Variants in CHD4 observed in about 807,000 individuals in gnomAD.
CHD4 encodes the protein ATP-dependent chromatin remodeler CHD4.
A neutral mutation model predicts 235.5 loss-of-function variants in CHD4; 35 were observed. The ratio of observed to expected loss-of-function variants is 0.15; its 90% CI spans 0.11 to 0.20. The LOEUF is 0.20. Ranked by LOEUF, CHD4 falls within the 10% of genes least tolerant of loss-of-function variation. The pLI is 1.00. For missense variants in CHD4, 1,329 were observed against 2,432.3 expected (o/e 0.55, Z 9.54); for synonymous variants, 900 against 850.2 (o/e 1.06, Z -1.02).
At chr12:6,597,278 C>T (rs1050387720) in intron 12 of CHD4, among the ~76,000 whole-genome samples, 3 of 150,296 alleles carry the variant, frequency 2.0e-5, no homozygotes, top group Non-Finnish European at 3.0e-5. Flanking sequence ...CAAAAAAAAA[C>T]AATAATAATA....
intron 37 of CHD4, among the ~76,000 whole-genome samples, chr12:6,577,238 G>T (rs1948086232): frequency 6.6e-6 from 1 of 151,658 alleles, no homozygotes; most frequent in African/African-American, 2.4e-5. Flanking sequence ...TAGCCAACAT[G>T]GTGAAACCCC....
At chr12:6,578,717 G>A (rs1555162216) in intron 34 of CHD4, 129 bp downstream of exon 34, 3 of 1,339,734 alleles carry the variant, frequency 2.2e-6, no homozygotes, top group South Asian at 2.4e-5. Flanking sequence ...TAAATGTGGG[G>A]ACAGGTACAG....
intron 37 of CHD4, among the ~76,000 whole-genome samples, chr12:6,573,910 G>A (rs1948022081): frequency 7.1e-6 from 1 of 139,908 alleles, no homozygotes; most frequent in African/African-American, 3.1e-5. Context: ...TGTAACTGCA[G>A]CTACTCAAGA....
chr12:6,588,499 CG>C, intron 22 of CHD4, 77 bp from the exon 23 acceptor site: 1 of 1,533,078 alleles, frequency 6.5e-7, no homozygotes, highest in Non-Finnish European at 8.9e-7. Flanking sequence ...AAAATTAAGC[CG>C]GGGGCAGTGG....
intron 37 of CHD4, among the ~76,000 whole-genome samples, chr12:6,574,241 A>G (rs908962563): frequency 6.6e-6 from 1 of 152,074 alleles, no homozygotes; most frequent in Non-Finnish European, 1.5e-5. Flanking sequence ...CTCCCACTAC[A>G]TACCTTTTAA....
At position 6,600,603 on chromosome 12, in the gene CHD4, A is replaced by G. The variant is rs1251225540; in HGVS notation, c.994T>C (p.Ser332Pro). 1 of 1,613,938 alleles carries G rather than the reference A, an allele frequency of 6.2e-7. No homozygotes were observed. Among genetic ancestry groups the G allele is most frequent in the Non-Finnish European group, 8.5e-7 (1 of 1,180,028 alleles). The change falls in exon 8 of 40, where the codon TCT (serine) becomes CCT (proline). Residue 332 changes from serine (S) to proline (P), a missense_variant. Ser to Pro is a moderately conservative substitution (Grantham distance 74). Coordinates refer to ENST00000544040, the MANE Select transcript of CHD4 (RefSeq NM_001273.5). ...CTACTACGGCTGGTGGAACCATCAG[A>G]AACAGAATAGCTATTGATACTGGCA... ...DDASINSYSV[S>P]DGSTSRSSRS... is the part of the protein sequence containing the mutation.
rs115239805 is a variant in CHD4 at position 6,594,940 on chromosome 12, A to T, written c.2122-290T>A. The stretch of plus-strand genomic sequence containing the variant: ...CTACTAGTCAGGATCCACCAGGTAA[A>T]TAATCGTTATGTCCCTCTTAGATTC... On this transcript the variant is annotated intron_variant, in intron 14 of 39. Coordinates refer to ENST00000544040, the MANE Select transcript of CHD4 (RefSeq NM_001273.5). Among the ~76,000 whole-genome samples, 551 of 152,276 alleles carry T rather than the reference A, an allele frequency of 3.6e-3. 3 individuals carry two copies. Among genetic ancestry groups the T allele is most frequent in the African/African-American group, 0.013 (529 of 41,536 alleles).
Position 6,597,885 on chromosome 12 carries a change from A to C in CHD4, c.1892+9T>G. ...GAGACTGCCCGTCTCCCGTGTGCTC[A>C]GCTGGTACCTGTGGTTGAGGATTCG... On this transcript the variant is annotated intron_variant, in intron 12 of 39. Transcript: ENST00000544040. The C allele has an allele frequency of 6.2e-7, 1 of 1,613,920 alleles. No individual in the cohort carries two copies. Among genetic ancestry groups the C allele is most frequent in the Non-Finnish European group, 8.5e-7 (1 of 1,179,768 alleles).
chr12:6,592,958 T>G, intron 17 of CHD4, 133 bp downstream of exon 17: 1 of 1,505,924 alleles, frequency 6.6e-7, no homozygotes, highest in Non-Finnish European at 9.0e-7. Context: ...CACCAAGGGC[T>G]GTCACATACA....
Position 6,591,595 on chromosome 12 carries a change from G to A in CHD4, c.3223-12C>T. The A allele has an allele frequency of 6.2e-7, 1 of 1,613,876 alleles. No individual in the cohort carries two copies. Among genetic ancestry groups the A allele is most frequent in the Non-Finnish European group, 8.5e-7 (1 of 1,179,768 alleles). ...AGCATCTTGGTCATCTGCAAAAGAA[G>A]CACGGTTTAATTATGGAAGAGTCAG... On this transcript the variant is annotated splice_polypyrimidine_tract_variant and intron_variant, in intron 21 of 39. Transcript: ENST00000544040.
Position 6,602,193 on chromosome 12 carries a change from G to A in CHD4, c.223-18C>T, listed in dbSNP as rs1368153038. The A allele has an allele frequency of 3.1e-6, 5 of 1,613,038 alleles. No individual in the cohort carries two copies. The highest frequency in any genetic ancestry group is 4.2e-6 in the Non-Finnish European group (5 of 1,179,306). On this transcript the variant is annotated intron_variant, in intron 3 of 39. Coordinates refer to ENST00000544040, the MANE Select transcript of CHD4 (RefSeq NM_001273.5). ...AGCATACGCTGGAGCAGGGCAAGGG[G>A]GGAAGAGGGAGACAGACACACACAT...
Position 6,573,275 on chromosome 12 carries a change from C to CA in CHD4, c.5362-7dup. 1 of 1,552,684 alleles carries CA rather than the reference C, an allele frequency of 6.4e-7. No homozygotes were observed. Among genetic ancestry groups the CA allele is most frequent in the Non-Finnish European group, 8.6e-7 (1 of 1,156,646 alleles). On this transcript the variant is annotated splice_region_variant and splice_polypyrimidine_tract_variant and intron_variant, in intron 37 of 39. Transcript: ENST00000544040. ...ACCAGAGCTTGTTCTAAGAGCTGGA[C>CA]AAGGGATAAGAGGAAACGGGAGTTC... is the stretch of plus-strand genomic sequence containing the variant.
At chr12:6,601,118 C>A in intron 6 of CHD4, 65 bp from the exon 7 acceptor site, 1 of 1,523,648 alleles carries the variant, frequency 6.6e-7, no homozygotes, top group Non-Finnish European at 8.8e-7. Context: ...AAATCTTCTC[C>A]ACCTAAGCTT....
At chr12:6,573,371 A>C in intron 37 of CHD4, 102 bp from the exon 38 acceptor site, 1 of 987,688 alleles carries the variant, frequency 1.0e-6, no homozygotes, top group South Asian at 2.1e-5. Flanking sequence ...GATGGTAATA[A>C]GAACCTATGA....
At chr12:6,579,727 G>C (rs1948142700) in intron 33 of CHD4, 1 of 148,464 alleles carries the variant, frequency 6.7e-6, no homozygotes, top group Non-Finnish European at 1.5e-5. Flanking sequence ...CTCCAGCCTG[G>C]GTGACAGAGT....
At chr12:6,575,933 C>A in intron 37 of CHD4, among the ~76,000 whole-genome samples, 1 of 152,190 alleles carries the variant, frequency 6.6e-6, no homozygotes, top group East Asian at 1.9e-4. Flanking sequence ...TGTTCAGATA[C>A]CCTTCTGTTT....
At chr12:6,587,687 A>C (rs372162063) in intron 24 of CHD4, 25 bp downstream of exon 24, 2 of 1,611,838 alleles carry the variant, frequency 1.2e-6, no homozygotes, top group African/African-American at 1.3e-5. Flanking sequence ...CCCCACACCA[A>C]AACGTAAGTT....
intron 10 of CHD4, among the ~76,000 whole-genome samples, chr12:6,599,213 T>C (rs1303794821): frequency 6.6e-6 from 1 of 151,968 alleles, no homozygotes; most frequent in Non-Finnish European, 1.5e-5. Context: ...AGCAGAATGG[T>C]TTCAGACCAG....
intron 34 of CHD4, 59 bp downstream of exon 34, chr12:6,578,787 G>A: frequency 5.9e-6 from 9 of 1,534,498 alleles, no homozygotes; most frequent in Non-Finnish European, 8.1e-6. Context: ...GGCAGATACA[G>A]TCCTTGCTTC....
Sources: allele counts gnomAD v4.1 joint callset (sites outside exome capture counted in the v4.1 genomes callset), GRCh38; gene constraint gnomAD v4.1.1; transcripts MANE v1.5; gene names NCBI Gene and HGNC (gene_info 2026-07-23, HGNC 2026-07-21).